The following RAP1GDS1 variants were observed in gnomAD, a reference collection of about 807,000 sequenced individuals.
The protein encoded by RAP1GDS1 is Rap1 GTPase-GDP dissociation stimulator 1, also known as RAP1, GTP-GDP dissociation stimulator 1.
Under a neutral mutation model 71.1 loss-of-function variants are expected in RAP1GDS1, and 35 were observed. That is an observed-to-expected ratio of 0.49 (90% CI 0.38 to 0.65). RAP1GDS1 has a LOEUF of 0.65. Ranked by LOEUF, RAP1GDS1 falls within the 30% of genes least tolerant of loss-of-function variation. RAP1GDS1 has a pLI of 0.00. For synonymous variants in RAP1GDS1, 229 were observed against 243.1 expected (o/e 0.94, Z 0.54); for missense variants, 663 against 706.1 (o/e 0.94, Z 0.69).
intron 10 of RAP1GDS1, among the ~76,000 whole-genome samples, chr4:98,419,155 A>G (rs1748447078): frequency 1.3e-5 from 2 of 152,058 alleles, no homozygotes; most frequent in African/African-American, 4.8e-5. Flanking sequence ...TTCTGAGCTC[A>G]AGTTATCCTC....
chr4:98,389,465 A>G (rs1197080883), intron 5 of RAP1GDS1, among the ~76,000 whole-genome samples: 1 of 152,192 alleles, frequency 6.6e-6, no homozygotes, highest in African/African-American at 2.4e-5. Context: ...CAGTTGGTCC[A>G]CAGTGAGTTC....
At chr4:98,291,427 A>C (rs1726891255) in intron 1 of RAP1GDS1, among the ~76,000 whole-genome samples, 2 of 152,186 alleles carry the variant, frequency 1.3e-5, no homozygotes, top group South Asian at 4.1e-4. Context: ...AGTGCTTTTA[A>C]GGAAATGTAA....
Position 98,433,916 on chromosome 4 carries a change from T to G in RAP1GDS1, c.1441-20T>G. Reference sequence around the variant, plus strand: ...TGTTTAAAATTAAAGTCTATAATTCTCTGATATTATTTATTGTAGGATGTA... The same window carrying G: ...TGTTTAAAATTAAAGTCTATAATTCGCTGATATTATTTATTGTAGGATGTA... On this transcript the variant is annotated intron_variant, in intron 12 of 14. Transcript: ENST00000408927. 2 of 1,588,398 alleles carry G rather than the reference T, an allele frequency of 1.3e-6. No homozygotes were observed. Among genetic ancestry groups the G allele is most frequent in the Non-Finnish European group, 1.7e-6 (2 of 1,158,972 alleles).
At chr4:98,362,341 A>T (rs1738858652) in intron 4 of RAP1GDS1, among the ~76,000 whole-genome samples, 2 of 152,106 alleles carry the variant, frequency 1.3e-5, no homozygotes, top group Non-Finnish European at 1.5e-5. Context: ...GCTGTGCATG[A>T]TGGAGCACTT....
At chr4:98,285,220 T>C (rs1361048653) in intron 1 of RAP1GDS1, among the ~76,000 whole-genome samples, 1 of 152,222 alleles carries the variant, frequency 6.6e-6, no homozygotes, top group Non-Finnish European at 1.5e-5. Flanking sequence ...AAATGTTAAC[T>C]GAGTTTTTCT....
chr4:98,262,581 C>T (rs1048158964), intron 1 of RAP1GDS1, among the ~76,000 whole-genome samples: 4 of 152,170 alleles, frequency 2.6e-5, no homozygotes, highest in African/African-American at 7.2e-5. Flanking sequence ...GCGACTTGTA[C>T]TAAGTTCCCC....
intron 2 of RAP1GDS1, among the ~76,000 whole-genome samples, chr4:98,297,373 C>G (rs536125359): frequency 1.4e-4 from 22 of 152,124 alleles, no homozygotes; most frequent in Non-Finnish European, 3.1e-4. Context: ...TTGAGCTTCA[C>G]AAATACTGTA....
chr4:98,278,223 C>CAT (rs1724522850), intron 1 of RAP1GDS1, among the ~76,000 whole-genome samples: 1 of 151,950 alleles, frequency 6.6e-6, no homozygotes. Context: ...TGTACAATAC[C>CAT]CTAGGCTGCA....
intron 1 of RAP1GDS1, among the ~76,000 whole-genome samples, chr4:98,267,432 T>A (rs1330792793): frequency 6.6e-6 from 1 of 152,164 alleles, no homozygotes; most frequent in Non-Finnish European, 1.5e-5. Context: ...GTATGAATAA[T>A]CCCATCACCC....
At chr4:98,395,563 T>C (rs1744407575) in intron 6 of RAP1GDS1, among the ~76,000 whole-genome samples, 3 of 152,180 alleles carry the variant, frequency 2.0e-5, no homozygotes, top group Non-Finnish European at 4.4e-5. Flanking sequence ...AATCCAGTCA[T>C]TTTCTCATTT....
At chr4:98,400,541 A>AC (rs1553997210) in intron 6 of RAP1GDS1, among the ~76,000 whole-genome samples, 184 of 151,696 alleles carry the variant, frequency 1.2e-3, no homozygotes, top group Admixed American at 3.6e-3. Context: ...AAAAAAAAAA[A>AC]AAAAAACGGA....
At chr4:98,293,247 T>A (rs1423055421) in intron 1 of RAP1GDS1, among the ~76,000 whole-genome samples, 161 bp from the exon 2 acceptor site, 2 of 152,158 alleles carry the variant, frequency 1.3e-5, no homozygotes, top group Non-Finnish European at 1.5e-5. Context: ...GCATTTAAAA[T>A]TTTTTTAATA....
At chr4:98,323,527 A>G (rs2110346638) in intron 2 of RAP1GDS1, among the ~76,000 whole-genome samples, 1 of 142,056 alleles carries the variant, frequency 7.0e-6, no homozygotes, top group Middle Eastern at 3.5e-3. Context: ...TCCTCAATAA[A>G]ATACTGGCAA....
Position 98,268,301 on chromosome 4 carries a change from T to C in RAP1GDS1, c.4+6732T>C, listed in dbSNP as rs59980453. Among the ~76,000 whole-genome samples the C allele has an allele frequency of 3.8e-3, 580 of 152,152 alleles. 6 individuals are homozygous for C. The highest frequency in any genetic ancestry group is 0.013 in the African/African-American group (554 of 41,534). On this transcript the variant is annotated intron_variant, in intron 1 of 14. Coordinates refer to ENST00000408927, the MANE Select transcript of RAP1GDS1 (RefSeq NM_001100427.2). ...TTTTTAAAACTCTCAACAAATTTGG[T>C]GTAGAATGAATATGCCTAAACATAG...
At chr4:98,395,625 A>G (rs1343126668) in intron 6 of RAP1GDS1, among the ~76,000 whole-genome samples, 2 of 152,196 alleles carry the variant, frequency 1.3e-5, no homozygotes, top group Admixed American at 6.5e-5. Context: ...AATAAGCAGA[A>G]GTATTTGCCC....
At chr4:98,325,091 C>T (rs1161016917) in intron 2 of RAP1GDS1, among the ~76,000 whole-genome samples, 2 of 151,654 alleles carry the variant, frequency 1.3e-5, no homozygotes, top group African/African-American at 4.8e-5. Flanking sequence ...GACAAACAAC[C>T]CCATCAAAAA....
At chr4:98,410,024 G>A (rs1354384916) in intron 7 of RAP1GDS1, among the ~76,000 whole-genome samples, 3 of 152,086 alleles carry the variant, frequency 2.0e-5, no homozygotes, top group Admixed American at 6.6e-5. Context: ...AATCCTAATG[G>A]CTTTGGGAGG....
intron 7 of RAP1GDS1, 43 bp downstream of exon 7, chr4:98,404,645 C>G: frequency 2.6e-6 from 4 of 1,565,650 alleles, no homozygotes; most frequent in Non-Finnish European, 3.4e-6. Flanking sequence ...ATCATGTATG[C>G]TTTAAACTTT....
chr4:98,326,919 A>G (rs1733194125), intron 2 of RAP1GDS1, among the ~76,000 whole-genome samples: 1 of 152,152 alleles, frequency 6.6e-6, no homozygotes, highest in Non-Finnish European at 1.5e-5. Flanking sequence ...TCGTTTTTCT[A>G]CTCTGATACA....
Sources: allele counts gnomAD v4.1 joint callset (sites outside exome capture counted in the v4.1 genomes callset), GRCh38; gene constraint gnomAD v4.1.1; transcripts MANE v1.5; gene names NCBI Gene and HGNC (gene_info 2026-07-23, HGNC 2026-07-21).